Variants in AAR2 observed in about 807,000 individuals in gnomAD.
The protein encoded by AAR2 is AAR2 splicing factor.
In AAR2, 31 loss-of-function variants were observed where a neutral mutation model predicts 26.9. The observed-to-expected ratio is 1.15, with a 90% CI of 0.86 to 1.55. The LOEUF is 1.55. Among genes scored for constraint, AAR2 ranks in the 40% most tolerant of loss-of-function variants. The pLI, the probability that AAR2 is intolerant of heterozygous loss-of-function variation, is 0.00. For missense variants in AAR2, 430 were observed against 491.3 expected, an observed-to-expected ratio of 0.88 and a Z score of 1.18; for synonymous variants, 188 against 196.1, an observed-to-expected ratio of 0.96 and a Z score of 0.34.
At chr20:36,254,618 C>T (rs185065451) in intron 3 of AAR2, among the ~76,000 whole-genome samples, 1 of 152,248 alleles carries the variant, frequency 6.6e-6, no homozygotes, top group East Asian at 1.9e-4. Context: ...ACAACAGTGT[C>T]AGTGTACTTA....
intron 1 of AAR2, among the ~76,000 whole-genome samples, chr20:36,238,834 A>G (rs1384485612): frequency 1.3e-5 from 2 of 151,654 alleles, no homozygotes. Context: ...TCTTGGCTAG[A>G]TTGGAATTGC....
intron 2 of AAR2, among the ~76,000 whole-genome samples, chr20:36,242,407 TTGA>T (rs2064692324): frequency 6.9e-6 from 1 of 145,946 alleles, no homozygotes; most frequent in Non-Finnish European, 1.5e-5. Flanking sequence ...GTTGTTGTTG[TTGA>T]GACGGAGTCT....
rs143038293 is a variant in AAR2 at position 36,238,003 on chromosome 20, C to G, written c.-49+1500C>G. Among the ~76,000 whole-genome samples, 1,510 of 151,948 alleles carry G rather than the reference C, an allele frequency of 9.9e-3. 27 individuals are homozygous for G. Among genetic ancestry groups the G allele is most frequent in the African/African-American group, 0.034 (1,414 of 41,460 alleles). On this transcript the variant is annotated intron_variant, in intron 1 of 3. Coordinates refer to ENST00000320849, the MANE Select transcript of AAR2 (RefSeq NM_001271874.2). ...GTTTCACAGTATTGGCCAGGCTGGTCTCAAACTCCTGACCTCATTATCCAT... is the reference window on the plus strand; with the variant it reads ...GTTTCACAGTATTGGCCAGGCTGGTGTCAAACTCCTGACCTCATTATCCAT...
chr20:36,253,049 T>C lies in AAR2; in HGVS notation c.988-2529T>C, dbSNP rs1158165567. On this transcript the variant is annotated intron_variant, in intron 3 of 3. Transcript: ENST00000320849. Reference sequence around the variant, plus strand: ...TGTGTTTAGTCGATTCCCAAGTTAATGAAGCTGGATTCTGTACCGCCCCCC... The same window carrying C: ...TGTGTTTAGTCGATTCCCAAGTTAACGAAGCTGGATTCTGTACCGCCCCCC... Among the ~76,000 whole-genome samples the C allele has an allele frequency of 3.3e-5, 5 of 152,200 alleles. No individual in the cohort carries two copies. The East Asian group carries it at 9.6e-4, about 29-fold the overall frequency.
chr20:36,239,433 C>T (rs1335454053), intron 1 of AAR2, among the ~76,000 whole-genome samples: 2 of 152,180 alleles, frequency 1.3e-5, no homozygotes, highest in African/African-American at 4.8e-5. Flanking sequence ...TTAGAGTGAC[C>T]TGTCCAGGCA....
At chr20:36,246,072 T>C (rs1017102667) in intron 3 of AAR2, among the ~76,000 whole-genome samples, 11 of 152,182 alleles carry the variant, frequency 7.2e-5, no homozygotes, top group African/African-American at 2.7e-4. Context: ...ATTATTCCCA[T>C]TTTACAAATG....
At position 36,242,362 on chromosome 20, in the gene AAR2, CTTTTGT is replaced by C. The variant is rs1385536790; in HGVS notation, c.757+1739_757+1744del. Among the ~76,000 whole-genome samples the C allele has an allele frequency of 4.4e-3, 608 of 138,728 alleles. 3 individuals carry two copies. The highest frequency in any genetic ancestry group is 0.014 in the African/African-American group (491 of 35,416). 91.0% of individuals were successfully genotyped at this position (138,728 alleles called of 152,430 possible). On this transcript the variant is annotated intron_variant, in intron 2 of 3. Transcript: ENST00000320849. ...ATAACCTATATTTTAACAGGTACAT[CTTTTGT>C]TGTTGTTGTTGTTGTTGTTGTTGTT... is the stretch of plus-strand genomic sequence containing the variant.
chr20:36,246,613 C>G (rs1332159137), intron 3 of AAR2, among the ~76,000 whole-genome samples: 1 of 152,196 alleles, frequency 6.6e-6, no homozygotes, highest in African/African-American at 2.4e-5. Context: ...CACGTTGATG[C>G]GTCGCACAGA....
At position 36,240,042 on chromosome 20, in the gene AAR2, C is replaced by G; in HGVS notation, c.174C>G (p.Leu58=). 1.2e-6 allele frequency: 2 copies of G among 1,614,232 alleles called. No individual in the cohort carries two copies. The highest frequency in any genetic ancestry group is 1.7e-6 in the Non-Finnish European group (2 of 1,180,040). Reference sequence around the variant, plus strand: ...TGATCCCTCCAGGCATCCACTTCCTCCACTACAGCTCTGTGGACAAGGCTA... The same window carrying G: ...TGATCCCTCCAGGCATCCACTTCCTGCACTACAGCTCTGTGGACAAGGCTA... ...VKMIPPGIHF[L]HYSSVDKANP... The change falls in exon 2 of 4, where the codon CTC becomes CTG. Residue 58 remains leucine (L), a synonymous_variant. Transcript: ENST00000320849.
chr20:36,237,099 A>G (rs1057393925), intron 1 of AAR2, among the ~76,000 whole-genome samples: 2 of 152,192 alleles, frequency 1.3e-5, no homozygotes, highest in South Asian at 2.1e-4. Flanking sequence ...AGAGTTTTCT[A>G]TATGGAGACA....
At chr20:36,243,000 G>A (rs1344744710) in intron 2 of AAR2, among the ~76,000 whole-genome samples, 1 of 151,782 alleles carries the variant, frequency 6.6e-6, no homozygotes, top group Non-Finnish European at 1.5e-5. Flanking sequence ...TGGGACTTCA[G>A]GTGTGTGCCA....
In AAR2 at chr20:36,239,372, T is replaced by C. The variant is rs548372569; in HGVS notation, c.-48-449T>C. 7.5e-4 allele frequency among the ~76,000 whole-genome samples: 114 copies of C among 152,330 alleles called. 1 individual carries two copies. Among genetic ancestry groups the C allele is most frequent in the African/African-American group, 2.7e-3 (112 of 41,570 alleles). On this transcript the variant is annotated intron_variant, in intron 1 of 3. Transcript: ENST00000320849. ...CTTGATTTAATCTTTCCAAATCTTT[T>C]GGGATAGTTTTTTGGCAGAATTGTA...
intron 3 of AAR2, 150 bp downstream of exon 3, chr20:36,245,076 A>G: frequency 1.3e-6 from 1 of 741,228 alleles, no homozygotes; most frequent in South Asian, 1.8e-5. Context: ...TCTCTCTCTT[A>G]CTCAATTGTA....
intron 2 of AAR2, among the ~76,000 whole-genome samples, chr20:36,243,276 C>T (rs1439365285): frequency 6.6e-6 from 1 of 152,114 alleles, no homozygotes; most frequent in Non-Finnish European, 1.5e-5. Flanking sequence ...GTTTCACAAA[C>T]CAAGTAAAGC....
intron 1 of AAR2, chr20:36,236,922 CAA>C (rs1252986278): frequency 2.0e-5 from 3 of 152,242 alleles, no homozygotes; most frequent in Admixed American, 2.0e-4. Context: ...TGACAGCCTT[CAA>C]TCAAACATCC....
chr20:36,255,427 T>TG (rs2064811614), intron 3 of AAR2, 151 bp from the exon 4 acceptor site: 3 of 864,880 alleles, frequency 3.5e-6, no homozygotes, highest in Non-Finnish European at 1.8e-6. Flanking sequence ...TTTCTTGGTT[T>TG]GGGGGGAGCA....
At chr20:36,250,799 A>G (rs1433162149) in intron 3 of AAR2, among the ~76,000 whole-genome samples, 2 of 152,176 alleles carry the variant, frequency 1.3e-5, no homozygotes, top group African/African-American at 2.4e-5. Context: ...TGGTGGTTGC[A>G]TGGGGGTATA....
At chr20:36,242,324 C>A (rs2064690487) in intron 2 of AAR2, among the ~76,000 whole-genome samples, 1 of 150,834 alleles carries the variant, frequency 6.6e-6, no homozygotes, top group Non-Finnish European at 1.5e-5. Flanking sequence ...ATATCATTGG[C>A]TCAGCTAATG....
At chr20:36,237,311 C>T (rs937540575) in intron 1 of AAR2, among the ~76,000 whole-genome samples, 4 of 152,118 alleles carry the variant, frequency 2.6e-5, no homozygotes, top group Non-Finnish European at 5.9e-5. Flanking sequence ...ATTAGATTGG[C>T]ATTTTGAAAA....
Sources: gnomAD v4.1 joint callset for allele counts (sites outside exome capture counted in the v4.1 genomes callset) on GRCh38, gnomAD v4.1.1 for gene constraint, MANE v1.5 for transcripts, NCBI Gene and HGNC (gene_info 2026-07-23, HGNC 2026-07-21) for gene names.